Variants in BAAT observed in about 807,000 individuals in gnomAD.
BAAT encodes the protein bile acid-CoA:amino acid N-acyltransferase.
A neutral mutation model predicts 18.9 loss-of-function variants in BAAT; 13 were observed. That is an observed-to-expected ratio of 0.69 (90% CI 0.45 to 1.10). The LOEUF is 1.10. Ranked by LOEUF, BAAT falls within the 50% of genes least tolerant of loss-of-function variation. The probability of loss-of-function intolerance (pLI) is 0.00; values close to 1 mark genes in which losing one functional copy is unlikely to be tolerated. For missense variants in BAAT, 489 were observed against 504.0 expected, an observed-to-expected ratio of 0.97 and a Z score of 0.28; for synonymous variants, 170 against 190.7, an observed-to-expected ratio of 0.89 and a Z score of 0.89.
chr9:101,378,934 C>T (rs1830088855), intron 1 of BAAT, among the ~76,000 whole-genome samples: 1 of 152,150 alleles, frequency 6.6e-6, no homozygotes. Context: ...TAAACAGACA[C>T]TTCTCAAAAG....
rs778789257 is a variant in BAAT, at chr9:101,368,238, C to T, written c.551G>A (p.Arg184His). ...LEFRASLLAS[R>H]GFASLALAYH... ...AGCCAAGGCCAAGGAGGCGAAGCCA[C>T]GACTGGCTAGGAGGCTGGCCCGAAA... is the stretch of plus-strand genomic sequence containing the variant. The change falls in exon 3 of 4, where the codon CGT (arginine) becomes CAT (histidine). Residue 184 changes from arginine (R) to histidine (H), a missense_variant. By Grantham distance (29) the Arg-to-His change is conservative. Transcript: ENST00000259407. 1.2e-5 allele frequency: 19 copies of T among 1,613,756 alleles called. No individual in the cohort carries two copies. In the East Asian group the frequency reaches 2.2e-4, roughly 19 times the overall value.
intron 1 of BAAT, among the ~76,000 whole-genome samples, chr9:101,377,671 A>G (rs1830069909): frequency 6.6e-6 from 1 of 152,234 alleles, no homozygotes; most frequent in Non-Finnish European, 1.5e-5. Flanking sequence ...CAAACCTGGA[A>G]GCATTCCCTT....
At chr9:101,380,122 G>T (rs1830108935) in intron 1 of BAAT, among the ~76,000 whole-genome samples, 1 of 150,728 alleles carries the variant, frequency 6.6e-6, no homozygotes, top group Admixed American at 6.6e-5. Context: ...AAGCTGGAGT[G>T]TGGAGGTTAT....
chr9:101,383,278 G>T (rs1430182227), intron 1 of BAAT, among the ~76,000 whole-genome samples: 1 of 152,126 alleles, frequency 6.6e-6, no homozygotes, highest in Non-Finnish European at 1.5e-5. Flanking sequence ...AAAATGAAAA[G>T]ACACACTTAT....
At chr9:101,367,108 CAAAAAAAG>C (rs1360994644) in intron 3 of BAAT, among the ~76,000 whole-genome samples, 9 of 39,374 alleles carry the variant, frequency 2.3e-4, no homozygotes, top group South Asian at 1.9e-3. Context: ...GAGACTCTGT[CAAAAAAAG>C]AAAAAAAAAA....
At chr9:101,373,488 A>G (rs916417241) in intron 1 of BAAT, among the ~76,000 whole-genome samples, 2 of 152,224 alleles carry the variant, frequency 1.3e-5, no homozygotes, top group African/African-American at 4.8e-5. Context: ...TTTCAGGGCT[A>G]GCATAAACCA....
intron 3 of BAAT, among the ~76,000 whole-genome samples, chr9:101,363,543 T>A (rs1829772623): frequency 6.6e-6 from 1 of 151,908 alleles, no homozygotes; most frequent in South Asian, 2.1e-4. Flanking sequence ...CAAATAAGCA[T>A]CCTTAAATTA....
chr9:101,367,243 A>G (rs1829846518), intron 3 of BAAT, among the ~76,000 whole-genome samples: 1 of 152,156 alleles, frequency 6.6e-6, no homozygotes, highest in Non-Finnish European at 1.5e-5. Flanking sequence ...AGGCATATGG[A>G]TTGGAAAGCA....
chr9:101,362,104 A>T lies in BAAT; in HGVS notation c.*324T>A, dbSNP rs1054506643. ...CATGGTATTTGGTTTTATATCTGTT[A>T]CTTTGGTGCTATTCTTGTTTGCCTT... On this transcript the variant is annotated 3_prime_UTR_variant, in exon 4 of 4. Transcript: ENST00000259407. 10 of 406,720 alleles carry T rather than the reference A, an allele frequency of 2.5e-5. No individual in the cohort carries two copies. In the Admixed American group the frequency reaches 3.3e-4, roughly 14 times the overall value. 25.2% of individuals were successfully genotyped at this position (406,720 alleles called of 1,614,324 possible).
At chr9:101,364,913 G>A (rs979414435) in intron 3 of BAAT, among the ~76,000 whole-genome samples, 4 of 152,200 alleles carry the variant, frequency 2.6e-5, no homozygotes, top group African/African-American at 9.7e-5. Context: ...AAGCAAGCGA[G>A]TAAAATAGTT....
intron 1 of BAAT, among the ~76,000 whole-genome samples, chr9:101,381,554 T>G (rs900182407): frequency 6.6e-6 from 1 of 151,796 alleles, no homozygotes; most frequent in Non-Finnish European, 1.5e-5. Flanking sequence ...AATACATACA[T>G]AAAAATAAAA....
chr9:101,363,708 G>A (rs1485488981), intron 3 of BAAT, among the ~76,000 whole-genome samples: 1 of 151,940 alleles, frequency 6.6e-6, no homozygotes, highest in Non-Finnish European at 1.5e-5. Context: ...ATGTATGTAG[G>A]CTAGACTGCC....
rs765262834 is a variant in BAAT at position 101,371,194 on chromosome 9, T to C, written c.211A>G (p.Met71Val). Residue 71 changes from methionine to valine, a missense_variant, in exon 2 of 4, where the codon ATG becomes GTG. Transcript: ENST00000259407. The stretch of plus-strand genomic sequence containing the variant: ...AAGAGACCCATGGGGTGGACTCCCA[T>C]ATAATCCCCTCCAAGTGAAGAAGCA... ...NHASSLGGDY[M>V]GVHPMGLFWS... The C allele has an allele frequency of 4.3e-6, 7 of 1,614,128 alleles. No individual in the cohort carries two copies. Among genetic ancestry groups the C allele is most frequent in the Non-Finnish European group, 2.5e-6 (3 of 1,179,992 alleles).
chr9:101,382,931 G>T (rs1830154672), intron 1 of BAAT, among the ~76,000 whole-genome samples: 1 of 152,122 alleles, frequency 6.6e-6, no homozygotes, highest in East Asian at 1.9e-4. Flanking sequence ...TTCCTGAATT[G>T]CATAAATAGG....
At position 101,362,167 on chromosome 9, in the gene BAAT, T is replaced by G; in HGVS notation, c.*261A>C. On this transcript the variant is annotated 3_prime_UTR_variant, in exon 4 of 4. Coordinates refer to ENST00000259407, the MANE Select transcript of BAAT (RefSeq NM_001701.4). ...CCAGTGTACTATACCTCAGTCCTATTTAGAAGACCTGATGGAAAGAAAAGT... is the reference window on the plus strand; with the variant it reads ...CCAGTGTACTATACCTCAGTCCTATGTAGAAGACCTGATGGAAAGAAAAGT... 3.5e-6 allele frequency: 2 copies of G among 570,218 alleles called. No homozygotes were observed. 35.3% of individuals were successfully genotyped at this position (570,218 alleles called of 1,614,324 possible).
At chr9:101,375,150 T>A (rs1428444537) in intron 1 of BAAT, among the ~76,000 whole-genome samples, 1 of 152,218 alleles carries the variant, frequency 6.6e-6, no homozygotes, top group Non-Finnish European at 1.5e-5. Flanking sequence ...CAAGAACTGA[T>A]GGTTTTATAC....
chr9:101,363,762 C>T (rs1311915306), intron 3 of BAAT, among the ~76,000 whole-genome samples: 1 of 152,144 alleles, frequency 6.6e-6, no homozygotes, highest in Non-Finnish European at 1.5e-5. Context: ...AAGAAAGGCT[C>T]TCAGAGGAAA....
rs1394355245 is a variant in BAAT at position 101,361,464 on chromosome 9, T to A, written c.*964A>T. 1.3e-5 allele frequency: 2 copies of A among 152,662 alleles called. No individual in the cohort carries two copies. The highest frequency in any genetic ancestry group is 2.9e-5 in the Non-Finnish European group (2 of 68,044). The allele number at this position is 152,662 out of a possible 1,614,324, so 9.5% of individuals were successfully genotyped here. ...GTGGTTGAATTACATGCAGTCCTCA[T>A]ATATTCAGTTGGTTAGCAAACTAAA... On this transcript the variant is annotated 3_prime_UTR_variant, in exon 4 of 4. Transcript: ENST00000259407.
rs539971269 is a variant in BAAT at position 101,373,865 on chromosome 9, T to C, written c.-59-2402A>G. Among the ~76,000 whole-genome samples the C allele has an allele frequency of 6.9e-4, 105 of 152,218 alleles. 1 individual carries two copies. Among genetic ancestry groups the C allele is most frequent in the Non-Finnish European group, 1.2e-3 (80 of 68,026 alleles). On this transcript the variant is annotated intron_variant, in intron 1 of 3. Transcript: ENST00000259407. ...CCCATCAATACTGAGCTTTATACCATACAAGAAATCAGTGAAAGGTAAACA... is the reference window on the plus strand; with the variant it reads ...CCCATCAATACTGAGCTTTATACCACACAAGAAATCAGTGAAAGGTAAACA...
Sources: gnomAD v4.1 joint callset for allele counts (sites outside exome capture counted in the v4.1 genomes callset) on GRCh38, gnomAD v4.1.1 for gene constraint, MANE v1.5 for transcripts, NCBI Gene and HGNC (gene_info 2026-07-23, HGNC 2026-07-21) for gene names.